The following CRPPA variants were observed in gnomAD, a reference collection of about 807,000 sequenced individuals.
CRPPA encodes the protein D-ribitol-5-phosphate cytidylyltransferase.
In CRPPA, 43 loss-of-function variants were observed where a neutral mutation model predicts 52.0. The observed-to-expected ratio is 0.83, with a 90% CI of 0.65 to 1.07. CRPPA has a LOEUF of 1.07. CRPPA is among the 50% of genes least tolerant of loss of function. The pLI is 0.00. For missense variants in CRPPA, 629 were observed against 551.7 expected (o/e 1.14, Z -1.40); for synonymous variants, 250 against 203.5 (o/e 1.23, Z -1.94).
chr7:16,416,689 A>G (rs1427867402), intron 1 of CRPPA, among the ~76,000 whole-genome samples: 1 of 151,728 alleles, frequency 6.6e-6, no homozygotes, highest in Non-Finnish European at 1.5e-5. Context: ...TACAAAAAAA[A>G]AAATTATCTG....
At chr7:16,397,021 T>G (rs1051135076) in intron 2 of CRPPA, among the ~76,000 whole-genome samples, 1 of 150,352 alleles carries the variant, frequency 6.7e-6, no homozygotes, top group African/African-American at 2.5e-5. Flanking sequence ...GTGTGAAACA[T>G]GTGCCAGAAC....
chr7:16,116,761 A>G (rs961506141), intron 9 of CRPPA, among the ~76,000 whole-genome samples: 27 of 152,314 alleles, frequency 1.8e-4, no homozygotes, highest in Non-Finnish European at 3.2e-4. Flanking sequence ...CCAAGAAGAC[A>G]TGACAACAAA....
In CRPPA at chr7:16,119,119, C is replaced by T. The variant is rs79414570; in HGVS notation, c.1252-27320G>A. Among the ~76,000 whole-genome samples, 475 of 152,234 alleles carry T rather than the reference C, an allele frequency of 3.1e-3. 2 individuals carry two copies. The highest frequency in any genetic ancestry group is 0.011 in the African/African-American group (450 of 41,558). ...CCCCAACTTCCAGCCTTGATTAAAA[C>T]CCACATTTTCCAACCCTTGACCGTC... On this transcript the variant is annotated intron_variant, in intron 9 of 9. Transcript: ENST00000407010.
chr7:16,200,675 A>G lies in CRPPA; in HGVS notation c.1251+15391T>C, dbSNP rs374274729. Among the ~76,000 whole-genome samples the G allele has an allele frequency of 5.1e-4, 77 of 152,336 alleles. 1 individual carries two copies. Among genetic ancestry groups the G allele is most frequent in the African/African-American group, 1.8e-3 (73 of 41,578 alleles). On this transcript the variant is annotated intron_variant, in intron 9 of 9. Coordinates refer to ENST00000407010, the MANE Select transcript of CRPPA (RefSeq NM_001101426.4). ...CTGTTTACAAGAAATTTAAAGTCACAAAACTTCTCACAAGGCTTTTTATAA... is the reference window on the plus strand; with the variant it reads ...CTGTTTACAAGAAATTTAAAGTCACGAAACTTCTCACAAGGCTTTTTATAA...
intron 9 of CRPPA, among the ~76,000 whole-genome samples, chr7:16,175,717 A>T (rs1231814379): frequency 6.6e-6 from 1 of 152,176 alleles, no homozygotes; most frequent in African/African-American, 2.4e-5. Context: ...ATGTCTTAAT[A>T]ATTATGCAAA....
chr7:16,400,722 A>T (rs1787793471), intron 2 of CRPPA, among the ~76,000 whole-genome samples: 1 of 152,236 alleles, frequency 6.6e-6, no homozygotes, highest in Non-Finnish European at 1.5e-5. Context: ...CGTTTGTGAC[A>T]CGTGACCAAC....
chr7:16,318,455 T>C (rs1244392430), intron 3 of CRPPA, among the ~76,000 whole-genome samples: 1 of 152,178 alleles, frequency 6.6e-6, no homozygotes, highest in Non-Finnish European at 1.5e-5. Flanking sequence ...TCATTGTTCA[T>C]ATTTAACTAT....
intron 3 of CRPPA, among the ~76,000 whole-genome samples, chr7:16,339,984 AC>A (rs1345239245): frequency 6.6e-6 from 1 of 152,178 alleles, no homozygotes; most frequent in East Asian, 1.9e-4. Context: ...TGGAAAAGGA[AC>A]AAAAACAATA....
chr7:16,184,287 T>C (rs1050204654), intron 9 of CRPPA, among the ~76,000 whole-genome samples: 1 of 152,154 alleles, frequency 6.6e-6, no homozygotes, highest in African/African-American at 2.4e-5. Context: ...ACACCAAACA[T>C]AATCCATTTT....
chr7:16,336,213 T>C (rs1400015313), intron 3 of CRPPA, among the ~76,000 whole-genome samples: 1 of 151,304 alleles, frequency 6.6e-6, no homozygotes, highest in Non-Finnish European at 1.5e-5. Flanking sequence ...CTTAGAATTC[T>C]CTAATATTGT....
chr7:16,293,612 A>G (rs1156848188), intron 5 of CRPPA, among the ~76,000 whole-genome samples: 1 of 151,990 alleles, frequency 6.6e-6, no homozygotes, highest in African/African-American at 2.4e-5. Flanking sequence ...AGGCATTACT[A>G]CAATATAAAT....
chr7:16,413,821 A>T, intron 1 of CRPPA, among the ~76,000 whole-genome samples: 1 of 152,240 alleles, frequency 6.6e-6, no homozygotes, highest in East Asian at 1.9e-4. Flanking sequence ...TTCCAAGCCC[A>T]ATCTCAATCT....
chr7:16,337,486 AT>A (rs1468210876), intron 3 of CRPPA, among the ~76,000 whole-genome samples: 3 of 152,172 alleles, frequency 2.0e-5, no homozygotes, highest in Non-Finnish European at 4.4e-5. Flanking sequence ...AATTTATAGC[AT>A]TAAACATCTA....
At chr7:16,262,380 T>A (rs1247170690) in intron 6 of CRPPA, among the ~76,000 whole-genome samples, 2 of 152,158 alleles carry the variant, frequency 1.3e-5, no homozygotes, top group Non-Finnish European at 2.9e-5. Context: ...GACTAGTTCT[T>A]TAATAGCGCT....
At chr7:16,378,331 A>G (rs1012722962) in intron 2 of CRPPA, among the ~76,000 whole-genome samples, 1 of 135,648 alleles carries the variant, frequency 7.4e-6, no homozygotes, top group Non-Finnish European at 1.5e-5. Flanking sequence ...CCATTGTTCA[A>G]TTCCCACCTA....
intron 9 of CRPPA, 43 bp from the exon 10 acceptor site, chr7:16,091,842 A>G (rs1222015841): frequency 8.5e-7 from 1 of 1,175,786 alleles, no homozygotes; most frequent in East Asian, 2.8e-5. Flanking sequence ...GAAAAAACAT[A>G]TGCCATGTGT....
chr7:16,248,935 C>T (rs1783357496), intron 8 of CRPPA, among the ~76,000 whole-genome samples: 3 of 152,142 alleles, frequency 2.0e-5, no homozygotes, highest in African/African-American at 2.4e-5. Context: ...TCAGTGGGAC[C>T]CATACCCACA....
intron 3 of CRPPA, among the ~76,000 whole-genome samples, chr7:16,339,261 G>A (rs1252470552): frequency 6.6e-6 from 1 of 151,796 alleles, no homozygotes; most frequent in African/African-American, 2.4e-5. Context: ...AATAACTACA[G>A]ACCAATAGCT....
At chr7:16,219,068 A>G (rs1379882519) in intron 8 of CRPPA, among the ~76,000 whole-genome samples, 1 of 152,346 alleles carries the variant, frequency 6.6e-6, no homozygotes, top group Non-Finnish European at 1.5e-5. Context: ...CAAATGTAAA[A>G]GAACAGAAAT....
Sources: allele counts gnomAD v4.1 joint callset (sites outside exome capture counted in the v4.1 genomes callset), GRCh38; gene constraint gnomAD v4.1.1; transcripts MANE v1.5; gene names NCBI Gene and HGNC (gene_info 2026-07-23, HGNC 2026-07-21).